The following OSBPL9 variants were observed in gnomAD, a reference collection of about 807,000 sequenced individuals.
OSBPL9 encodes the protein oxysterol binding protein like 9.
OSBPL9 carries 40 observed loss-of-function variants against 106.6 expected under a neutral mutation model. The ratio of observed to expected loss-of-function variants is 0.38; its 90% CI spans 0.29 to 0.49. The LOEUF (loss-of-function observed/expected upper bound fraction) is 0.49, where lower values mean the gene tolerates loss of function less well. Among genes scored for constraint, OSBPL9 ranks in the 20% least tolerant of loss-of-function variants. The pLI is 0.97. For missense variants in OSBPL9, 609 were observed against 887.2 expected (o/e 0.69, Z 3.98); for synonymous variants, 269 against 295.4 (o/e 0.91, Z 0.92).
chr1:51,785,733 T>C, intron 20 of OSBPL9, 75 bp from the exon 21 acceptor site: 2 of 1,285,768 alleles, frequency 1.6e-6, no homozygotes, highest in Non-Finnish European at 1.1e-6. Context: ...TACTCTGTAG[T>C]TGGGCCACAC....
chr1:51,570,106 T>C, the OSBPL9 span, among the ~76,000 whole-genome samples: 4 of 152,238 alleles, frequency 2.6e-5, no homozygotes, highest in Non-Finnish European at 5.9e-5. Flanking sequence ...CAAAGGCCTG[T>C]TTTTCCGAGG....
chr1:51,685,615 C>T (rs1281200831), intron 3 of OSBPL9, among the ~76,000 whole-genome samples: 1 of 152,172 alleles, frequency 6.6e-6, no homozygotes, highest in African/African-American at 2.4e-5. Context: ...CCAGGCTGGT[C>T]TCGAACTCCT....
the OSBPL9 span, among the ~76,000 whole-genome samples, chr1:51,555,463 C>T: frequency 6.6e-6 from 1 of 151,394 alleles, no homozygotes; most frequent in Non-Finnish European, 1.5e-5. Flanking sequence ...GCACTCCAGC[C>T]TGGGCAACAA....
At chr1:51,709,594 G>C (rs1182852527) in intron 3 of OSBPL9, 1 of 152,676 alleles carries the variant, frequency 6.5e-6, no homozygotes, top group East Asian at 1.9e-4. Context: ...CAGGGCTTCA[G>C]CATCTCGGTG....
chr1:51,633,423 A>G (rs549624995), intron 1 of OSBPL9, among the ~76,000 whole-genome samples: 1 of 151,654 alleles, frequency 6.6e-6, no homozygotes, highest in South Asian at 2.1e-4. Context: ...AATAAAAAAT[A>G]AAAATTATCC....
At chr1:51,685,746 C>A (rs1044925496) in intron 3 of OSBPL9, among the ~76,000 whole-genome samples, 5 of 152,198 alleles carry the variant, frequency 3.3e-5, no homozygotes, top group Non-Finnish European at 5.9e-5. Context: ...TAACCTCTTA[C>A]AAAAGACCTC....
the OSBPL9 span, among the ~76,000 whole-genome samples, chr1:51,562,432 T>C: frequency 6.6e-6 from 1 of 152,206 alleles, no homozygotes; most frequent in South Asian, 2.1e-4. Context: ...AGCTATAGCC[T>C]GCAGACCCAT....
chr1:51,669,483 C>G lies in OSBPL9; in HGVS notation c.212C>G (p.Thr71Ser). 1.2e-6 allele frequency: 2 copies of G among 1,614,124 alleles called. No individual in the cohort carries two copies. Among genetic ancestry groups the G allele is most frequent in the Non-Finnish European group, 1.7e-6 (2 of 1,179,990 alleles). Residue 71 changes from threonine to serine, a missense_variant, in exon 3 of 24, where the codon ACT becomes AGT. Physicochemically the swap from Thr to Ser is moderately conservative, Grantham distance 58. Coordinates refer to ENST00000428468, the MANE Select transcript of OSBPL9 (RefSeq NM_024586.6). The stretch of plus-strand genomic sequence containing the variant: ...GAGGACGACAGCACCTTCACAATAA[C>G]TGTTGATCAGAAAACCTTCCATTTC... ...DDEDDSTFTI[T>S]VDQKTFHFQA...
intron 2 of OSBPL9, among the ~76,000 whole-genome samples, chr1:51,659,231 A>G (rs1646994915): frequency 6.6e-6 from 1 of 152,194 alleles, no homozygotes; most frequent in Non-Finnish European, 1.5e-5. Flanking sequence ...AGTATCACAT[A>G]GATAACATTC....
chr1:51,741,268 TTC>T (rs958527960), intron 4 of OSBPL9, among the ~76,000 whole-genome samples: 18 of 152,174 alleles, frequency 1.2e-4, no homozygotes, highest in African/African-American at 4.3e-4. Flanking sequence ...ATGTGTATGT[TTC>T]TCTTTCTCTC....
At chr1:51,542,888 T>TA in the OSBPL9 span, among the ~76,000 whole-genome samples, 1 of 152,202 alleles carries the variant, frequency 6.6e-6, no homozygotes, top group Non-Finnish European at 1.5e-5. Flanking sequence ...AAAATGGGGA[T>TA]ATCAGGGCCT....
At chr1:51,573,895 C>T (rs1412361478), upstream of OSBPL9, 1 of 151,270 alleles carries the variant, frequency 6.6e-6, no homozygotes, top group Non-Finnish European at 1.5e-5. Context: ...CAGAATTTTC[C>T]CAATTAGTAT....
rs139079552 is a variant in OSBPL9 at position 51,632,911 on chromosome 1, T to A, written c.111+15690T>A. On this transcript the variant is annotated intron_variant, in intron 1 of 23. Coordinates refer to ENST00000428468, the MANE Select transcript of OSBPL9 (RefSeq NM_024586.6). ...TTTCTTTTTGGAAACCCATGTATTT[T>A]GAAGTAAAGTTAGACTTGATTAAAA... is the stretch of plus-strand genomic sequence containing the variant. Among the ~76,000 whole-genome samples, 358 of 152,246 alleles carry A rather than the reference T, an allele frequency of 2.4e-3. 1 individual carries two copies. The highest frequency in any genetic ancestry group is 8.3e-3 in the African/African-American group (343 of 41,550).
rs924266620 is a variant in OSBPL9 at position 51,730,171 on chromosome 1, C to G, written c.319-15365C>G. On this transcript the variant is annotated intron_variant, in intron 4 of 23. Coordinates refer to ENST00000428468, the MANE Select transcript of OSBPL9 (RefSeq NM_024586.6). ...CCCGGGCCCCTCTTCCTTGGGAGTT[C>G]TCAGTTCCTCAGCCTAGATGGGGTG... The G allele has an allele frequency of 1.2e-5, 15 of 1,239,816 alleles. No homozygotes were observed. The African/African-American group carries it at 2.3e-4, about 19-fold the overall frequency. 76.8% of individuals were successfully genotyped at this position (1,239,816 alleles called of 1,614,324 possible). A position where few individuals can be genotyped will look rare whatever the true frequency, so the allele number is the denominator to read the frequency against.
At chr1:51,520,729 A>G in the OSBPL9 span, among the ~76,000 whole-genome samples, 8,793 of 152,288 alleles carry the variant, frequency 0.058, 343 homozygotes, top group Non-Finnish European at 0.086. Context: ...AGCCCCACCT[A>G]AGTTTTTAGA....
chr1:51,591,810 A>AG (rs1435941011), intron 1 of OSBPL9, among the ~76,000 whole-genome samples: 9 of 151,958 alleles, frequency 5.9e-5, no homozygotes, highest in African/African-American at 1.9e-4. Context: ...AGAGAGAGAG[A>AG]AAAAAAAGAG....
At chr1:51,537,351 T>C in the OSBPL9 span, among the ~76,000 whole-genome samples, 1 of 152,128 alleles carries the variant, frequency 6.6e-6, no homozygotes, top group African/African-American at 2.4e-5. Context: ...TAATAAGATG[T>C]TCCAGGCTTA....
chr1:51,640,101 G>A lies in OSBPL9; in HGVS notation c.112-11890G>A, dbSNP rs562335257. ...CCCACTTCAGCCTCCCAAAGTGCTG[G>A]GATTATGGCATGAGCCACCATACTT... On this transcript the variant is annotated intron_variant, in intron 1 of 23. Transcript: ENST00000428468. Among the ~76,000 whole-genome samples the A allele has an allele frequency of 2.0e-5, 3 of 151,976 alleles. No homozygotes were observed. In the East Asian group the frequency reaches 5.8e-4, roughly 29 times the overall value.
the OSBPL9 span, among the ~76,000 whole-genome samples, chr1:51,545,360 A>G: frequency 1.3e-5 from 2 of 152,188 alleles, no homozygotes; most frequent in Non-Finnish European, 2.9e-5. Flanking sequence ...CTTAAAATAT[A>G]CAGAACTCAA....
Sources: allele counts gnomAD v4.1 joint callset (sites outside exome capture counted in the v4.1 genomes callset), GRCh38; gene constraint gnomAD v4.1.1; transcripts MANE v1.5; gene names NCBI Gene and HGNC (gene_info 2026-07-23, HGNC 2026-07-21).